The following DIP2C variants were observed in gnomAD, a reference collection of about 807,000 sequenced individuals.
DIP2C encodes DIP2 acetate--CoA ligase C (putative).
DIP2C carries 33 observed loss-of-function variants against 192.4 expected under a neutral mutation model. The ratio of observed to expected loss-of-function variants is 0.17; its 90% CI spans 0.13 to 0.23. DIP2C has a LOEUF of 0.23. Ranked by LOEUF, DIP2C falls within the 10% of genes least tolerant of loss-of-function variation. DIP2C has a pLI of 1.00. For missense variants in DIP2C, 1,537 were observed against 2,110.1 expected (o/e 0.73, Z 5.32); for synonymous variants, 979 against 864.1 (o/e 1.13, Z -2.33).
intron 32 of DIP2C, among the ~76,000 whole-genome samples, chr10:289,215 TGCGGGCAGGGG>T (rs1346040706): frequency 2.2e-5 from 3 of 135,092 alleles, no homozygotes; most frequent in Non-Finnish European, 5.2e-5. Context: ...GGGGACAGGG[TGCGGGCAGGGG>T]GCCTGTGGGC....
At chr10:417,810 T>A (rs61837181) in intron 6 of DIP2C, among the ~76,000 whole-genome samples, 445 of 9,548 alleles carry the variant, frequency 0.047, 122 homozygotes, top group Non-Finnish European at 0.062. Context: ...GTCCACCTGT[T>A]CCTGTCAGGG....
chr10:356,821 G>A (rs1959104536), intron 23 of DIP2C, among the ~76,000 whole-genome samples: 1 of 152,158 alleles, frequency 6.6e-6, no homozygotes, highest in African/African-American at 2.4e-5. Context: ...CCCAAGGATG[G>A]GAACCATTTC....
chr10:390,485 G>A, intron 11 of DIP2C, 112 bp from the exon 12 acceptor site: 1 of 1,151,146 alleles, frequency 8.7e-7, no homozygotes. Context: ...TCGAATCTCT[G>A]GTGTCTCCGG....
In DIP2C at chr10:428,305, T is replaced by C. The variant is rs146706830; in HGVS notation, c.395-5272A>G. 3.1e-3 allele frequency among the ~76,000 whole-genome samples: 466 copies of C among 152,290 alleles called. 1 individual carries two copies. Among genetic ancestry groups the C allele is most frequent in the South Asian group, 0.011 (55 of 4,804 alleles). On this transcript the variant is annotated intron_variant, in intron 4 of 36. Transcript: ENST00000280886. ...CATCTGATAGCATTTGCAATCAGCC[T>C]AAAGTACATTCTTTAGCATGTTTAT...
At chr10:534,050 C>CA (rs1847563367) in intron 1 of DIP2C, among the ~76,000 whole-genome samples, 1 of 152,120 alleles carries the variant, frequency 6.6e-6, no homozygotes, top group African/African-American at 2.4e-5. Context: ...CCATGAAGCC[C>CA]ACGCCCCCTT....
chr10:319,328 ACACAAAG>A (rs1381027686), intron 31 of DIP2C, among the ~76,000 whole-genome samples: 1 of 152,244 alleles, frequency 6.6e-6, no homozygotes, highest in Non-Finnish European at 1.5e-5. Context: ...ATTTAATCCC[ACACAAAG>A]CTACTTATAA....
chr10:307,784 T>C (rs1439235242), intron 32 of DIP2C, among the ~76,000 whole-genome samples: 2 of 151,722 alleles, frequency 1.3e-5, no homozygotes, highest in African/African-American at 2.4e-5. Context: ...CGGCACACGG[T>C]CCATCTGGAG....
At chr10:605,875 T>A (rs528224872) in intron 1 of DIP2C, among the ~76,000 whole-genome samples, 2 of 152,276 alleles carry the variant, frequency 1.3e-5, no homozygotes, top group African/African-American at 4.8e-5. Context: ...GGGCAGAGAC[T>A]CTCAGGAGAG....
At chr10:411,706 A>G (rs1265059472) in intron 8 of DIP2C, among the ~76,000 whole-genome samples, 1 of 151,864 alleles carries the variant, frequency 6.6e-6, no homozygotes, top group Non-Finnish European at 1.5e-5. Context: ...ATTACTCAGT[A>G]TTAGAACAAT....
rs769806269 is a variant in DIP2C, at chr10:399,208, C to T, written c.1161G>A (p.Val387=). 7 of 1,613,944 alleles carry T rather than the reference C, an allele frequency of 4.3e-6. No individual in the cohort carries two copies. Among genetic ancestry groups the T allele is most frequent in the African/African-American group, 1.3e-5 (1 of 74,942 alleles). The stretch of plus-strand genomic sequence containing the variant: ...AGGCAGCCGGATCATTGTTGGGGAA[C>T]ACCAGTGCCACCTGTGGGACAGGCC... ...MVRPGDRVAL[V]FPNNDPAAFM... is the part of the protein sequence containing the mutation. The change falls in exon 10 of 37, where the codon GTG becomes GTA. Residue 387 remains valine (V), a synonymous_variant. Coordinates refer to ENST00000280886, the MANE Select transcript of DIP2C (RefSeq NM_014974.3).
At chr10:676,668 TATAAA>T (rs1477490187) in intron 1 of DIP2C, among the ~76,000 whole-genome samples, 1 of 151,804 alleles carries the variant, frequency 6.6e-6, no homozygotes, top group Admixed American at 6.6e-5. Context: ...GCTACAAAAA[TATAAA>T]ATAAAAATAA....
intron 10 of DIP2C, among the ~76,000 whole-genome samples, chr10:394,493 ATG>A (rs1963795559): frequency 1.3e-5 from 2 of 151,626 alleles, no homozygotes; most frequent in African/African-American, 4.9e-5. Flanking sequence ...GAAGGACATT[ATG>A]CCACACAGTG....
chr10:405,731 A>C lies in DIP2C; in HGVS notation c.1149+3195T>G, dbSNP rs570836923. Among the ~76,000 whole-genome samples the C allele has an allele frequency of 2.6e-5, 4 of 152,246 alleles. No individual in the cohort carries two copies. In the South Asian group the frequency reaches 6.2e-4, roughly 24 times the overall value. ...GATACTTCACTGTACCTAATTATTC[A>C]CACAGCAGGCATCAGCCGATCAGGA... On this transcript the variant is annotated intron_variant, in intron 9 of 36. Coordinates refer to ENST00000280886, the MANE Select transcript of DIP2C (RefSeq NM_014974.3).
In DIP2C at chr10:326,081, T is replaced by C. The variant is rs571308179; in HGVS notation, c.3924+925A>G. ...CTGTAGTCCCAGCCACGTGGGAGGCTGAGGTGGGAGGGTTGCTTGAGCCTG... is the reference window on the plus strand; with the variant it reads ...CTGTAGTCCCAGCCACGTGGGAGGCCGAGGTGGGAGGGTTGCTTGAGCCTG... On this transcript the variant is annotated intron_variant, in intron 31 of 36. Coordinates refer to ENST00000280886, the MANE Select transcript of DIP2C (RefSeq NM_014974.3). Among the ~76,000 whole-genome samples the C allele has an allele frequency of 7.3e-4, 111 of 151,872 alleles. 1 individual carries two copies. In the South Asian group the frequency reaches 0.012, roughly 17 times the overall value.
chr10:406,104 G>A (rs1964787586), intron 9 of DIP2C, among the ~76,000 whole-genome samples: 2 of 152,122 alleles, frequency 1.3e-5, no homozygotes, highest in African/African-American at 2.4e-5. Flanking sequence ...TTTATTTTGT[G>A]ATTATTATCA....
At chr10:338,957 G>GC (rs912703261) in intron 29 of DIP2C, among the ~76,000 whole-genome samples, 2 of 151,464 alleles carry the variant, frequency 1.3e-5, no homozygotes, top group African/African-American at 2.4e-5. Context: ...AATGCACCCT[G>GC]CCTGGCTCCC....
intron 1 of DIP2C, among the ~76,000 whole-genome samples, chr10:568,030 C>T (rs564298516): frequency 1.3e-5 from 2 of 152,366 alleles, no homozygotes; most frequent in African/African-American, 4.8e-5. Flanking sequence ...CGAAGCATCA[C>T]AGCAAGGGCA....
chr10:347,749 C>CGT, intron 26 of DIP2C, among the ~76,000 whole-genome samples: 1 of 143,310 alleles, frequency 7.0e-6, no homozygotes, highest in Non-Finnish European at 1.5e-5. Context: ...CTCCCGGAAA[C>CGT]CCTACATACA....
chr10:428,637 G>A (rs1177081726), intron 4 of DIP2C, among the ~76,000 whole-genome samples: 1 of 151,814 alleles, frequency 6.6e-6, no homozygotes, highest in African/African-American at 2.4e-5. Context: ...TACTTGTTCT[G>A]CTTGGAGTTC....
Sources: gnomAD v4.1 joint callset for allele counts (sites outside exome capture counted in the v4.1 genomes callset) on GRCh38, gnomAD v4.1.1 for gene constraint, MANE v1.5 for transcripts, NCBI Gene and HGNC (gene_info 2026-07-23, HGNC 2026-07-21) for gene names.